The following PCDH11Y variants were observed in gnomAD, a reference collection of about 807,000 sequenced individuals.
PCDH11Y encodes protocadherin-11 Y-linked.
For missense variants in PCDH11Y, 12 were observed against 224.8 expected, an observed-to-expected ratio of 0.05 and a Z score of 6.05; for synonymous variants, 9 against 83.6, an observed-to-expected ratio of 0.11 and a Z score of 4.87.
chrY:5,220,691 A>G (rs1602888736), intron 2 of PCDH11Y, among the ~76,000 whole-genome samples: 1 of 19,834 alleles, frequency 5.0e-5, no homozygotes, highest in Non-Finnish European at 1.1e-4. Flanking sequence ...GATTACAGGC[A>G]TGAGCCACAA....
intron 2 of PCDH11Y, among the ~76,000 whole-genome samples, chrY:5,186,918 C>T (rs2124647705): frequency 3.0e-5 from 1 of 33,858 alleles, no homozygotes; most frequent in Admixed American, 2.7e-4. Context: ...AAGTTAGTTA[C>T]TACCTACATA....
intron 2 of PCDH11Y, among the ~76,000 whole-genome samples, chrY:5,422,660 C>T (rs2124679637): frequency 3.0e-5 from 1 of 32,986 alleles, no homozygotes; most frequent in African/African-American, 1.2e-4. Context: ...AAATGATTTT[C>T]GCCAAGAGTA....
chrY:5,107,091 T>A, downstream of PCDH11Y, among the ~76,000 whole-genome samples: 1 of 32,690 alleles, frequency 3.1e-5, no homozygotes, highest in Non-Finnish European at 7.5e-5. Context: ...TACCTTGTTT[T>A]TCTTCCATTT....
At chrY:5,341,958 A>C in intron 2 of PCDH11Y, among the ~76,000 whole-genome samples, 1 of 28,336 alleles carries the variant, frequency 3.5e-5, no homozygotes. Context: ...CTCCGTCTCA[A>C]AAAAAAAAAA....
At chrY:5,243,883 A>T (rs2052991738) in intron 2 of PCDH11Y, among the ~76,000 whole-genome samples, 1 of 30,854 alleles carries the variant, frequency 3.2e-5, no homozygotes, top group Admixed American at 2.9e-4. Flanking sequence ...GAACATTTGC[A>T]AAGATATTCA....
intron 1 of PCDH11Y, among the ~76,000 whole-genome samples, chrY:5,069,300 T>C: frequency 5.9e-5 from 2 of 33,718 alleles, no homozygotes; most frequent in Non-Finnish European, 7.3e-5. Context: ...CTTTTGGACA[T>C]AAGATTTCTA....
intron 3 of PCDH11Y, among the ~76,000 whole-genome samples, chrY:5,515,933 A>T (rs2124689523): frequency 2.9e-5 from 1 of 33,952 alleles, no homozygotes; most frequent in East Asian, 7.8e-4. Flanking sequence ...TGGGTTAAAG[A>T]TTTAAATGTA....
chrY:5,731,586 T>G (rs112486155), intron 4 of PCDH11Y, among the ~76,000 whole-genome samples: 1,665 of 30,730 alleles, frequency 0.054, no homozygotes, highest in South Asian at 0.28. Context: ...TTTTTTAATT[T>G]ATTGAGACTA....
At chrY:5,732,144 G>T (rs2053605075) in intron 4 of PCDH11Y, among the ~76,000 whole-genome samples, 19 of 31,285 alleles carry the variant, frequency 6.1e-4, no homozygotes, top group African/African-American at 2.4e-3. Context: ...GGTTAATATT[G>T]ATATCTGAGG....
chrY:5,036,520 C>T (rs2052599042), intron 3 of PCDH11Y, among the ~76,000 whole-genome samples: 1 of 32,656 alleles, frequency 3.1e-5, no homozygotes, highest in Admixed American at 2.8e-4. Context: ...CACAAAGATA[C>T]AGAGAATTTA....
intron 4 of PCDH11Y, among the ~76,000 whole-genome samples, chrY:5,666,576 T>A: frequency 5.9e-5 from 2 of 33,688 alleles, no homozygotes; most frequent in African/African-American, 2.3e-4. Context: ...AGATATTTTT[T>A]AAATGTTGCT....
intron 2 of PCDH11Y, among the ~76,000 whole-genome samples, chrY:5,217,162 A>T: frequency 3.0e-5 from 1 of 33,277 alleles, no homozygotes; most frequent in Non-Finnish European, 7.4e-5. Context: ...GTGCAGTTGT[A>T]AATATTGTCT....
chrY:5,345,340 A>C (rs1602908597), intron 2 of PCDH11Y, among the ~76,000 whole-genome samples: 1 of 33,563 alleles, frequency 3.0e-5, no homozygotes, highest in Non-Finnish European at 7.4e-5. Flanking sequence ...AATTAATAGC[A>C]TAGGGTTCTC....
chrY:5,624,115 A>C (rs1602953234), intron 4 of PCDH11Y, among the ~76,000 whole-genome samples: 1 of 32,750 alleles, frequency 3.1e-5, no homozygotes, highest in Non-Finnish European at 7.5e-5. Flanking sequence ...CTTATTTTGA[A>C]AAGTATCTGT....
chrY:5,060,793 G>C (rs2124628875), intron 1 of PCDH11Y, among the ~76,000 whole-genome samples: 3 of 29,994 alleles, frequency 1.0e-4, no homozygotes, highest in African/African-American at 4.0e-4. Flanking sequence ...GGCTGAGGCG[G>C]GTGGATTACT....
intron 4 of PCDH11Y, among the ~76,000 whole-genome samples, chrY:5,735,610 T>C (rs2124715690): frequency 3.0e-5 from 1 of 33,431 alleles, no homozygotes; most frequent in South Asian, 6.6e-4. Flanking sequence ...ATTTTGCTAT[T>C]ATTACATTGT....
intron 2 of PCDH11Y, among the ~76,000 whole-genome samples, chrY:5,148,692 C>A: frequency 3.1e-5 from 1 of 32,670 alleles, no homozygotes; most frequent in African/African-American, 1.2e-4. Context: ...CATAGATTAA[C>A]CTAGTCTGCC....
chrY:5,665,807 C>T (rs2053544236), intron 4 of PCDH11Y, among the ~76,000 whole-genome samples: 1 of 33,496 alleles, frequency 3.0e-5, no homozygotes, highest in Non-Finnish European at 7.4e-5. Flanking sequence ...CTACAAATTA[C>T]AGATGTTATT....
intron 3 of PCDH11Y, among the ~76,000 whole-genome samples, chrY:5,501,616 A>T: frequency 3.1e-5 from 1 of 32,252 alleles, no homozygotes; most frequent in Non-Finnish European, 7.6e-5. Context: ...TATTTCCTAG[A>T]TTTTATTTTT....
Sources: gnomAD v4.1 joint callset for allele counts (sites outside exome capture counted in the v4.1 genomes callset) on GRCh38, gnomAD v4.1.1 for gene constraint, MANE v1.5 for transcripts, NCBI Gene and HGNC (gene_info 2026-07-23, HGNC 2026-07-21) for gene names.